The following SCHIP1 variants were observed in gnomAD, a reference collection of about 807,000 sequenced individuals.
The protein encoded by SCHIP1 is schwannomin interacting protein 1, also known as schwannomin-interacting protein 1.
A neutral mutation model predicts 29.7 loss-of-function variants in SCHIP1; 8 were observed. That is an observed-to-expected ratio of 0.27 (90% CI 0.16 to 0.49). SCHIP1 has a LOEUF of 0.49. Among genes scored for constraint, SCHIP1 ranks in the 20% least tolerant of loss-of-function variants. The pLI is 0.99. For missense variants in SCHIP1, 193 were observed against 294.6 expected (o/e 0.66, Z 2.52); for synonymous variants, 76 against 94.9 (o/e 0.80, Z 1.16).
the SCHIP1 span, among the ~76,000 whole-genome samples, chr3:159,290,435 G>C: frequency 1.3e-5 from 2 of 151,972 alleles, no homozygotes. Context: ...TAGCAAAGTG[G>C]GCAGGGATGA....
the SCHIP1 span, among the ~76,000 whole-genome samples, chr3:159,332,807 T>TA: frequency 6.6e-6 from 1 of 152,196 alleles, no homozygotes; most frequent in Non-Finnish European, 1.5e-5. Context: ...ATATAAGCAG[T>TA]AAATTTTCAC....
the SCHIP1 span, among the ~76,000 whole-genome samples, chr3:159,626,133 GATAGATATATCTAGATATATAT>G: frequency 9.5e-6 from 1 of 105,074 alleles, no homozygotes; most frequent in East Asian, 2.8e-4. Context: ...TAGATAGATA[GATAGATATATCTAGATATATAT>G]ATATATCTAG....
the SCHIP1 span, among the ~76,000 whole-genome samples, chr3:159,362,056 A>T: frequency 1.3e-5 from 2 of 152,212 alleles, no homozygotes; most frequent in African/African-American, 4.8e-5. Flanking sequence ...GGATCAGATC[A>T]TCTATCATGT....
the SCHIP1 span, among the ~76,000 whole-genome samples, chr3:159,487,418 G>A: frequency 6.6e-6 from 1 of 152,044 alleles, no homozygotes; most frequent in African/African-American, 2.4e-5. Context: ...CATTGGTCTG[G>A]ACCCTCTTTT....
the SCHIP1 span, among the ~76,000 whole-genome samples, chr3:159,414,823 T>C: frequency 0.96 from 146,531 of 152,178 alleles, 70,597 homozygotes; most frequent in African/African-American, 0.99. Flanking sequence ...AAGCATGCAA[T>C]GTGTATCCCA....
chr3:159,319,943 G>C, the SCHIP1 span, among the ~76,000 whole-genome samples: 1 of 152,098 alleles, frequency 6.6e-6, no homozygotes, highest in South Asian at 2.1e-4. Flanking sequence ...ACATAGGTTT[G>C]CTTGGTGCTA....
the SCHIP1 span, among the ~76,000 whole-genome samples, chr3:159,416,125 C>A: frequency 6.6e-6 from 1 of 152,178 alleles, no homozygotes; most frequent in African/African-American, 2.4e-5. Context: ...ATTTAATATT[C>A]TTGGGCATTT....
At chr3:159,309,518 T>C in the SCHIP1 span, among the ~76,000 whole-genome samples, 5 of 152,124 alleles carry the variant, frequency 3.3e-5, no homozygotes, top group African/African-American at 1.2e-4. Context: ...GCTATATGGG[T>C]ATGCAGAATC....
chr3:159,661,248 A>G, the SCHIP1 span, among the ~76,000 whole-genome samples: 6 of 152,154 alleles, frequency 3.9e-5, no homozygotes, highest in Admixed American at 6.5e-5. Flanking sequence ...TGAATTTCCT[A>G]TTTTGTTTAT....
the SCHIP1 span, among the ~76,000 whole-genome samples, chr3:159,712,212 A>G: frequency 6.6e-6 from 1 of 152,118 alleles, no homozygotes; most frequent in Non-Finnish European, 1.5e-5. Flanking sequence ...GCTAAATCAC[A>G]TCTGACTGCC....
the SCHIP1 span, among the ~76,000 whole-genome samples, chr3:159,827,148 A>G: frequency 6.6e-6 from 1 of 152,230 alleles, no homozygotes; most frequent in Admixed American, 6.5e-5. Flanking sequence ...TGTTTCTTCT[A>G]CTATTCAGAT....
At chr3:159,494,454 C>A in the SCHIP1 span, among the ~76,000 whole-genome samples, 17 of 152,072 alleles carry the variant, frequency 1.1e-4, no homozygotes, top group African/African-American at 4.1e-4. Flanking sequence ...TACAAACTAC[C>A]ATCAGAGAAT....
At chr3:159,815,199 C>T in the SCHIP1 span, among the ~76,000 whole-genome samples, 1 of 152,204 alleles carries the variant, frequency 6.6e-6, no homozygotes, top group South Asian at 2.1e-4. Context: ...CTGCACTGCC[C>T]TAACCTTAAA....
the SCHIP1 span, among the ~76,000 whole-genome samples, chr3:159,738,046 C>G: frequency 2.0e-5 from 3 of 152,032 alleles, no homozygotes; most frequent in Non-Finnish European, 4.4e-5. Flanking sequence ...CTTCCTTTCT[C>G]TGGAAGGTAA....
the SCHIP1 span, among the ~76,000 whole-genome samples, chr3:159,707,019 C>T: frequency 6.6e-6 from 1 of 152,174 alleles, no homozygotes; most frequent in Non-Finnish European, 1.5e-5. Context: ...TCTCATGCAG[C>T]TCACAGTCTA....
chr3:159,734,179 G>C, the SCHIP1 span, among the ~76,000 whole-genome samples: 958 of 112,768 alleles, frequency 8.5e-3, 12 homozygotes, highest in South Asian at 0.014. Flanking sequence ...GTCTTGCTCT[G>C]TCGCCCAGAC....
At chr3:159,444,135 T>A in the SCHIP1 span, among the ~76,000 whole-genome samples, 4 of 152,046 alleles carry the variant, frequency 2.6e-5, no homozygotes, top group East Asian at 7.7e-4. Context: ...GGCAATGAAG[T>A]GTACATCACT....
chr3:159,879,195 A>G (rs894435340), intron 2 of SCHIP1, among the ~76,000 whole-genome samples: 1 of 151,952 alleles, frequency 6.6e-6, no homozygotes, highest in Admixed American at 6.5e-5. Context: ...AATATACTTT[A>G]TCAATCTTTT....
At chr3:159,398,462 T>C in the SCHIP1 span, among the ~76,000 whole-genome samples, 7 of 152,268 alleles carry the variant, frequency 4.6e-5, no homozygotes, top group Non-Finnish European at 7.4e-5. Context: ...GGGATTTTAA[T>C]TTAGGAAATG....
Sources: gnomAD v4.1 joint callset for allele counts (sites outside exome capture counted in the v4.1 genomes callset) on GRCh38, gnomAD v4.1.1 for gene constraint, MANE v1.5 for transcripts, NCBI Gene and HGNC (gene_info 2026-07-23, HGNC 2026-07-21) for gene names.